The following MEP1A variants were observed in gnomAD, a reference collection of about 807,000 sequenced individuals.
The protein encoded by MEP1A is meprin A subunit alpha, also known as N-benzoyl-L-tyrosyl-P-amino-benzoic acid hydrolase subunit alpha.
MEP1A carries 68 observed loss-of-function variants against 84.5 expected under a neutral mutation model. That is an observed-to-expected ratio of 0.80 (90% CI 0.66 to 0.98). The LOEUF (loss-of-function observed/expected upper bound fraction) is 0.98, where lower values mean the gene tolerates loss of function less well. Among genes scored for constraint, MEP1A ranks in the 50% least tolerant of loss-of-function variants. The probability of loss-of-function intolerance (pLI) is 0.00; values close to 1 mark genes in which losing one functional copy is unlikely to be tolerated. For synonymous variants in MEP1A, 337 were observed against 336.8 expected, an observed-to-expected ratio of 1.00 and a Z score of -0.01; for missense variants, 887 against 919.9, an observed-to-expected ratio of 0.96 and a Z score of 0.46.
At chr6:46,815,962 A>T (rs1340298566) in intron 6 of MEP1A, among the ~76,000 whole-genome samples, 1 of 152,068 alleles carries the variant, frequency 6.6e-6, no homozygotes, top group East Asian at 1.9e-4. Flanking sequence ...TTTGAGACAG[A>T]GTCTCTCTCT....
At chr6:46,843,129 G>T (rs905941099), downstream of MEP1A, among the ~76,000 whole-genome samples, 1 of 152,154 alleles carries the variant, frequency 6.6e-6, no homozygotes, top group African/African-American at 2.4e-5. Flanking sequence ...GTAATATTTT[G>T]AGGTGGGTAT....
chr6:46,816,196 C>T (rs1581675652), intron 6 of MEP1A, among the ~76,000 whole-genome samples: 1 of 151,962 alleles, frequency 6.6e-6, no homozygotes, highest in South Asian at 2.1e-4. Context: ...CCTCAACCTC[C>T]GAAAGTGCTG....
At chr6:46,824,782 T>C (rs1396160307) in intron 7 of MEP1A, among the ~76,000 whole-genome samples, 8 of 80,796 alleles carry the variant, frequency 9.9e-5, no homozygotes, top group Non-Finnish European at 1.8e-4. Context: ...TGTATTTAAA[T>C]AGATGTATTT....
rs181465400 is a variant in MEP1A at position 46,807,145 on chromosome 6, G to A, written c.263-2275G>A. 2.8e-3 allele frequency among the ~76,000 whole-genome samples: 418 copies of A among 151,382 alleles called. 2 individuals carry two copies. The highest frequency in any genetic ancestry group is 0.021 in the Middle Eastern group (6 of 292). ...TATCTTCTAATACGTACAGCCATTG[G>A]TATCTAAAATTAACTCTTCTCAAAA... On this transcript the variant is annotated intron_variant, in intron 5 of 13. Transcript: ENST00000230588.
downstream of MEP1A, chr6:46,839,794 G>T (rs1051539865): frequency 6.6e-6 from 1 of 152,108 alleles, no homozygotes; most frequent in African/African-American, 2.4e-5. Flanking sequence ...TTTGTATCTG[G>T]TATTGTATAT....
At chr6:46,797,842 CTCTCTT>C (rs1562102661) in intron 3 of MEP1A, among the ~76,000 whole-genome samples, 240 of 148,128 alleles carry the variant, frequency 1.6e-3, no homozygotes, top group African/African-American at 4.6e-3. Context: ...TTCTTTCTCT[CTCTCTT>C]TCTTTCTTTC....
At chr6:46,815,557 A>G (rs1749023207) in intron 6 of MEP1A, among the ~76,000 whole-genome samples, 1 of 152,174 alleles carries the variant, frequency 6.6e-6, no homozygotes, top group South Asian at 2.1e-4. Flanking sequence ...ACAGGTTTTC[A>G]GCATCTCAGG....
chr6:46,837,201 G>A (rs994635630), intron 13 of MEP1A, among the ~76,000 whole-genome samples: 2 of 151,964 alleles, frequency 1.3e-5, no homozygotes, highest in African/African-American at 2.4e-5. Context: ...AAGAAGAATG[G>A]CACCTTCACC....
At chr6:46,815,993 G>T (rs1335163804) in intron 6 of MEP1A, among the ~76,000 whole-genome samples, 1 of 152,100 alleles carries the variant, frequency 6.6e-6, no homozygotes, top group African/African-American at 2.4e-5. Flanking sequence ...CTGGAGTACA[G>T]TGGCATGATC....
chr6:46,819,232 A>C (rs937959292), intron 6 of MEP1A, among the ~76,000 whole-genome samples: 2 of 152,180 alleles, frequency 1.3e-5, no homozygotes, highest in Non-Finnish European at 2.9e-5. Flanking sequence ...AGGAATGCCA[A>C]TGTTTATTGC....
chr6:46,825,365 T>C lies in MEP1A; in HGVS notation c.650T>C (p.Phe217Ser), dbSNP rs765931417. The change falls in exon 8 of 14, where the codon TTC (phenylalanine) becomes TCC (serine). Residue 217 changes from phenylalanine (F) to serine (S), a missense_variant. By Grantham distance (155) the Phe-to-Ser change is radical (BLOSUM62 -2). Coordinates refer to ENST00000230588, the MANE Select transcript of MEP1A (RefSeq NM_005588.3). ...DYESLMHYQP[F>S]SFNKNASVPT... ...GAGTCTTTGATGCACTACCAGCCTT[T>C]CTCATTTAACAAGAATGCAAGTGTT... 3.7e-6 allele frequency: 6 copies of C among 1,613,562 alleles called. No homozygotes were observed. The highest frequency in any genetic ancestry group is 2.2e-5 in the South Asian group (2 of 91,076).
At position 46,825,051 on chromosome 6, in the gene MEP1A, AAATTATGT is replaced by A. The variant is rs1562114021; in HGVS notation, c.557-219_557-212del. Among the ~76,000 whole-genome samples the A allele has an allele frequency of 2.1e-3, 182 of 86,244 alleles. 18 individuals are homozygous for A. The highest frequency in any genetic ancestry group is 6.0e-3 in the African/African-American group (176 of 29,348). The allele number at this position is 86,244 out of a possible 152,430, so 56.6% of individuals were successfully genotyped here. ...TAAATAGATCTATTTAAATATTTAT[AAATTATGT>A]ATTTAAATAAATCTATTTAAATATT... On this transcript the variant is annotated intron_variant, in intron 7 of 13. Coordinates refer to ENST00000230588, the MANE Select transcript of MEP1A (RefSeq NM_005588.3).
At chr6:46,810,229 A>G (rs571889792) in intron 6 of MEP1A, among the ~76,000 whole-genome samples, 27 of 152,236 alleles carry the variant, frequency 1.8e-4, no homozygotes, top group Admixed American at 5.2e-4. Context: ...AATGTTGAAC[A>G]TGTTTTCATA....
At position 46,835,672 on chromosome 6, in the gene MEP1A, C is replaced by T. The variant is rs145464889; in HGVS notation, c.2084+123C>T. 116 of 1,080,906 alleles carry T rather than the reference C, an allele frequency of 1.1e-4. 1 individual carries two copies. In the East Asian group the frequency reaches 2.1e-3, roughly 19 times the overall value. 67.0% of individuals were successfully genotyped at this position (1,080,906 alleles called of 1,614,324 possible). A position where few individuals can be genotyped will look rare whatever the true frequency, so the allele number is the denominator to read the frequency against. ...ACTACCTCAGATGGTCAACTGAATG[C>T]GGTTTTCTTTGACTCTACAAAGGTG... On this transcript the variant is annotated intron_variant, in intron 13 of 13. Transcript: ENST00000230588.
intron 3 of MEP1A, among the ~76,000 whole-genome samples, chr6:46,795,591 G>A (rs1767033669): frequency 6.6e-6 from 1 of 152,072 alleles, no homozygotes; most frequent in African/African-American, 2.4e-5. Context: ...GAGCCACCAC[G>A]CCTGGCCTAG....
chr6:46,834,940 A>G (rs1369490031), intron 12 of MEP1A, among the ~76,000 whole-genome samples, 189 bp downstream of exon 12: 1 of 152,202 alleles, frequency 6.6e-6, no homozygotes, highest in African/African-American at 2.4e-5. Context: ...AGAAACTGAA[A>G]TTTTAGTGTC....
downstream of MEP1A, among the ~76,000 whole-genome samples, chr6:46,843,415 C>A (rs1272194741): frequency 6.6e-6 from 1 of 152,192 alleles, no homozygotes; most frequent in Non-Finnish European, 1.5e-5. Flanking sequence ...ACTGGGCCTG[C>A]CAGAGTATTG....
chr6:46,841,253 A>G (rs958476043), downstream of MEP1A, among the ~76,000 whole-genome samples: 10 of 152,196 alleles, frequency 6.6e-5, no homozygotes, highest in African/African-American at 1.2e-4. Context: ...ATTTCTCTCT[A>G]GATTCTCAAC....
chr6:46,840,072 A>G (rs1383049218), downstream of MEP1A, among the ~76,000 whole-genome samples: 1 of 152,048 alleles, frequency 6.6e-6, no homozygotes, highest in East Asian at 1.9e-4. Flanking sequence ...ATACCCAATC[A>G]GCAATAAGTC....
Sources: gnomAD v4.1 joint callset for allele counts (sites outside exome capture counted in the v4.1 genomes callset) on GRCh38, gnomAD v4.1.1 for gene constraint, MANE v1.5 for transcripts, NCBI Gene and HGNC (gene_info 2026-07-23, HGNC 2026-07-21) for gene names.